Variants in ZW10 observed in about 807,000 individuals in gnomAD.
ZW10 encodes zw10 kinetochore protein.
Under a neutral mutation model 87.8 loss-of-function variants are expected in ZW10, and 53 were observed. The observed-to-expected ratio is 0.60, with a 90% CI of 0.48 to 0.76. The LOEUF (loss-of-function observed/expected upper bound fraction) is 0.76. Among genes scored for constraint, ZW10 ranks in the 30% least tolerant of loss-of-function variants. ZW10 has a pLI of 0.00. For synonymous variants in ZW10, 312 were observed against 329.2 expected, an observed-to-expected ratio of 0.95 and a Z score of 0.57; for missense variants, 837 against 923.0, an observed-to-expected ratio of 0.91 and a Z score of 1.21.
chr11:113,737,900 G>A (rs1953571198), intron 13 of ZW10, among the ~76,000 whole-genome samples, 197 bp from the exon 14 acceptor site: 1 of 152,222 alleles, frequency 6.6e-6, no homozygotes, highest in Non-Finnish European at 1.5e-5. Context: ...TCATCAACCT[G>A]AGGATAGGAA....
At chr11:113,760,164 G>C (rs1953841644) in intron 5 of ZW10, 45 bp downstream of exon 5, 1 of 1,596,034 alleles carries the variant, frequency 6.3e-7, no homozygotes, top group African/African-American at 1.3e-5. Context: ...CACTACACTG[G>C]TTCAGGCAGA....
chr11:113,740,196 A>G (rs200329072), intron 11 of ZW10, among the ~76,000 whole-genome samples: 1 of 82,920 alleles, frequency 1.2e-5, no homozygotes, highest in Admixed American at 1.1e-4. Context: ...AAAAAAAAAG[A>G]AAAAAACACA....
At chr11:113,763,121 G>T (rs2134893742) in intron 2 of ZW10, among the ~76,000 whole-genome samples, 1 of 152,204 alleles carries the variant, frequency 6.6e-6, no homozygotes, top group East Asian at 1.9e-4. Context: ...GTGGTGTTTA[G>T]TTTTCTACTC....
intron 7 of ZW10, among the ~76,000 whole-genome samples, chr11:113,754,625 CTTTT>C (rs1172128984): frequency 6.6e-6 from 1 of 152,008 alleles, no homozygotes; most frequent in Non-Finnish European, 1.5e-5. Context: ...GTCTTATTTT[CTTTT>C]TTGAGACAGA....
intron 1 of ZW10, among the ~76,000 whole-genome samples, chr11:113,773,248 C>A (rs1167885551): frequency 1.3e-5 from 2 of 151,866 alleles, no homozygotes; most frequent in African/African-American, 4.8e-5. Flanking sequence ...CCTCTTCCCG[C>A]GGCACACCCC....
At position 113,744,402 on chromosome 11, in the gene ZW10, C is replaced by CA. The variant is rs111947855; in HGVS notation, c.1273-363dup. Among the ~76,000 whole-genome samples the CA allele has an allele frequency of 8.2e-3, 1,221 of 149,664 alleles. 16 individuals are homozygous for CA. The highest frequency in any genetic ancestry group is 0.029 in the African/African-American group (1,167 of 40,756). ...TGGGCGACAGAGCACGACTCCGTCTCAAAAAAAACAAATATAAGCACACGG... is the reference window on the plus strand; with the variant it reads ...TGGGCGACAGAGCACGACTCCGTCTCAAAAAAAAACAAATATAAGCACACGG... On this transcript the variant is annotated intron_variant, in intron 9 of 15. Transcript: ENST00000200135.
intron 1 of ZW10, 68 bp from the exon 2 acceptor site, chr11:113,769,035 T>C: frequency 1.3e-6 from 2 of 1,520,416 alleles, no homozygotes; most frequent in Non-Finnish European, 1.8e-6. Flanking sequence ...AAGAATATAT[T>C]CATCTTCCAC....
At chr11:113,769,711 T>A in intron 1 of ZW10, 1 of 387,014 alleles carries the variant, frequency 2.6e-6, no homozygotes, top group Non-Finnish European at 5.0e-6. Flanking sequence ...AGCATGGACT[T>A]CAGAGGCCTA....
At chr11:113,733,992 C>T (rs563008892) in intron 15 of ZW10, among the ~76,000 whole-genome samples, 178 bp from the exon 16 acceptor site, 10 of 152,324 alleles carry the variant, frequency 6.6e-5, no homozygotes, top group African/African-American at 1.9e-4. Context: ...TCTTTGCTCA[C>T]CCACTACAAC....
chr11:113,761,267 C>T (rs1257018992), intron 2 of ZW10, among the ~76,000 whole-genome samples: 6 of 152,154 alleles, frequency 3.9e-5, no homozygotes, highest in African/African-American at 9.7e-5. Context: ...GAGTCAGACA[C>T]CTCTATTAGG....
chr11:113,738,247 T>A lies in ZW10; in HGVS notation c.1884+17A>T, dbSNP rs1418066570. On this transcript the variant is annotated intron_variant, in intron 13 of 15. Coordinates refer to ENST00000200135, the MANE Select transcript of ZW10 (RefSeq NM_004724.4). ...AAGGATAGAATACAAATTTCAGTGC[T>A]AGCAAGAGCCTCCTACCTGCCGGAC... The A allele has an allele frequency of 6.3e-7, 1 of 1,580,898 alleles. No individual in the cohort carries two copies. Among genetic ancestry groups the A allele is most frequent in the Admixed American group, 1.9e-5 (1 of 51,362 alleles).
intron 2 of ZW10, among the ~76,000 whole-genome samples, chr11:113,764,621 C>T (rs1014681004): frequency 6.6e-6 from 1 of 151,954 alleles, no homozygotes; most frequent in African/African-American, 2.4e-5. Context: ...TGTAAACTTT[C>T]CTGTTAAAAA....
At chr11:113,760,618 C>T in intron 3 of ZW10, 28 bp from the exon 4 acceptor site, 1 of 1,547,942 alleles carries the variant, frequency 6.5e-7, no homozygotes, top group Non-Finnish European at 8.9e-7. Context: ...ATATTTTATA[C>T]ATCCTATTAT....
intron 11 of ZW10, among the ~76,000 whole-genome samples, chr11:113,740,068 C>A (rs1953599160): frequency 6.6e-6 from 1 of 152,126 alleles, no homozygotes. Context: ...ATTCAATTAA[C>A]AGTTTCTAGT....
intron 7 of ZW10, among the ~76,000 whole-genome samples, chr11:113,757,368 G>A (rs1953800310): frequency 6.6e-6 from 1 of 152,184 alleles, no homozygotes; most frequent in African/African-American, 2.4e-5. Flanking sequence ...TCCAATTTGT[G>A]ACGGTACTGG....
Position 113,737,733 on chromosome 11 carries a change from AG to A in ZW10, c.1885-31del. The A allele has an allele frequency of 1.9e-6, 3 of 1,565,380 alleles. No individual in the cohort carries two copies. The South Asian group carries it at 3.5e-5, about 18-fold the overall frequency. On this transcript the variant is annotated intron_variant, in intron 13 of 15. Coordinates refer to ENST00000200135, the MANE Select transcript of ZW10 (RefSeq NM_004724.4). ...AGAAGAATACAGCTATTTACGTGGA[AG>A]AAAGATTACTGTGACTCGTATTTTC...
At chr11:113,740,919 C>G (rs970174980) in intron 11 of ZW10, among the ~76,000 whole-genome samples, 2 of 152,116 alleles carry the variant, frequency 1.3e-5, no homozygotes, top group Non-Finnish European at 2.9e-5. Flanking sequence ...AGGCTGTCAG[C>G]TAATGCAAAT....
chr11:113,768,510 T>A (rs2459970), intron 2 of ZW10, among the ~76,000 whole-genome samples: 1 of 152,018 alleles, frequency 6.6e-6, no homozygotes, highest in African/African-American at 2.4e-5. Context: ...AAATGCACTC[T>A]GGGGATATTT....
chr11:113,766,223 G>C (rs1953905831), intron 2 of ZW10, among the ~76,000 whole-genome samples: 1 of 151,778 alleles, frequency 6.6e-6, no homozygotes, highest in Admixed American at 6.6e-5. Context: ...AATTTAGCTG[G>C]GCATGATGGC....
Sources: allele counts gnomAD v4.1 joint callset (sites outside exome capture counted in the v4.1 genomes callset), GRCh38; gene constraint gnomAD v4.1.1; transcripts MANE v1.5; gene names NCBI Gene and HGNC (gene_info 2026-07-23, HGNC 2026-07-21).